TTN: variants seen among roughly 807,000 people sequenced by gnomAD.
The protein encoded by TTN is titin.
TTN carries 1,525 observed loss-of-function variants against 3,223.0 expected under a neutral mutation model. The observed-to-expected ratio is 0.47, with a 90% confidence interval of 0.45 to 0.49. The LOEUF is 0.49. Among genes scored for constraint, TTN ranks in the 20% least tolerant of loss-of-function variants. The pLI, the probability that TTN is intolerant of heterozygous loss-of-function variation, is 0.00. For synonymous variants in TTN, 14,094 were observed against 15,161.0 expected, an observed-to-expected ratio of 0.93 and a Z score of 5.17; for missense variants, 40,786 against 43,424.0, an observed-to-expected ratio of 0.94 and a Z score of 5.40.
rs200973013 is a variant in TTN at position 178,773,508 on chromosome 2, C to G, written c.7548G>C (p.Lys2516Asn). 4 of 1,614,066 alleles carry G rather than the reference C, an allele frequency of 2.5e-6. No individual in the cohort carries two copies. The highest frequency in any genetic ancestry group is 3.4e-6 in the Non-Finnish European group (4 of 1,179,974). ...TGGTTTCAACTCTGCCAACTATCAG[C>G]TTGTAAGGTCCTTCGTCTGAAGCAT... The part of the protein sequence containing the change: ...RTHASDEGPY[K>N]LIVGRVETNC... Residue 2516 changes from lysine (K) to asparagine (N), a missense_variant, in exon 32 of 363, where the codon AAG becomes AAC. Transcript: ENST00000589042.
Position 178,554,157 on chromosome 2 carries a change from C to T in TTN, c.88954G>A (p.Val29652Ile), listed in dbSNP as rs756561910. The change falls in exon 333 of 363, where the codon GTT (valine) becomes ATT (isoleucine). Residue 29652 changes from valine (V) to isoleucine (I), a missense_variant. Transcript: ENST00000589042. ...TCTGCAATTGGCCTGCTCCATACAACAGTCATCGAATTCTTGGTAATCTTT... is the reference window on the plus strand; with the variant it reads ...TCTGCAATTGGCCTGCTCCATACAATAGTCATCGAATTCTTGGTAATCTTT... Reference protein sequence around the residue: ...VTKITKNSMTVVWSRPIADGG... With the variant: ...VTKITKNSMTIVWSRPIADGG... The T allele has an allele frequency of 9.3e-6, 15 of 1,611,526 alleles. No individual in the cohort carries two copies. The African/African-American group carries it at 1.1e-4, about 12-fold the overall frequency.
At position 178,586,743 on chromosome 2, in the gene TTN, G is replaced by C. The variant is rs1060503926; in HGVS notation, c.64158C>G (p.Ala21386=). ...TEMTKNSATL[A]WLPPLRDGGA... The stretch of plus-strand genomic sequence containing the variant: ...CTCCATCACGTAGGGGAGGTAACCA[G>C]GCTAAGGTGGCACTGTTCTTGGTCA... The change falls in exon 308 of 363, where the codon GCC becomes GCG. Residue 21386 remains alanine, a synonymous_variant. Coordinates refer to ENST00000589042, the MANE Select transcript of TTN (RefSeq NM_001267550.2). The C allele has an allele frequency of 1.2e-6, 2 of 1,613,134 alleles. No individual in the cohort carries two copies. The highest frequency in any genetic ancestry group is 1.3e-5 in the African/African-American group (1 of 74,968).
chr2:178,578,023 A>G lies in TTN; in HGVS notation c.68492T>C (p.Leu22831Pro). 2.5e-6 allele frequency: 4 copies of G among 1,613,256 alleles called. No individual in the cohort carries two copies. Among genetic ancestry groups the G allele is most frequent in the Non-Finnish European group, 3.4e-6 (4 of 1,179,482 alleles). Residue 22831 changes from leucine to proline, a missense_variant, in exon 322 of 363, where the codon CTA becomes CCA. Physicochemically the swap from Leu to Pro is moderately conservative, Grantham distance 98. Coordinates refer to ENST00000589042, the MANE Select transcript of TTN (RefSeq NM_001267550.2). Reference sequence around the variant, plus strand: ...CAGTGCCACAACAGGCTCTGATGGTAGGCTTGGCTTGCCCACACCTGCTAA... The same window carrying G: ...CAGTGCCACAACAGGCTCTGATGGTGGGCTTGGCTTGCCCACACCTGCTAA... ...INLAGVGKPSLPSEPVVALDP... is the reference protein window; with the variant it reads ...INLAGVGKPSPPSEPVVALDP...
At chr2:178,717,446 C>T (rs2077657593) in intron 87 of TTN, 64 bp from the exon 88 acceptor site, 4 of 1,562,538 alleles carry the variant, frequency 2.6e-6, no homozygotes, top group Non-Finnish European at 3.5e-6. Flanking sequence ...AGAGCAGAAA[C>T]TAAATGGCAC....
chr2:178,733,812 C>T lies in TTN; in HGVS notation c.15577G>A (p.Gly5193Arg). The change falls in exon 53 of 363, where the codon GGG becomes AGG. Residue 5193 changes from glycine to arginine, a missense_variant. Physicochemically the swap from Gly to Arg is moderately radical, Grantham distance 125 (BLOSUM62 -2). Coordinates refer to ENST00000589042, the MANE Select transcript of TTN (RefSeq NM_001267550.2). ...QTVTLQAAVR[G>R]SEPISVTWMK... Reference sequence around the variant, plus strand: ...CATGTGACAGAAATGGGCTCTGACCCTCTCACAGCAGCTTGCAGGGTAACG... The same window carrying T: ...CATGTGACAGAAATGGGCTCTGACCTTCTCACAGCAGCTTGCAGGGTAACG... 2 of 1,613,790 alleles carry T rather than the reference C, an allele frequency of 1.2e-6. No homozygotes were observed. The highest frequency in any genetic ancestry group is 2.2e-5 in the East Asian group (1 of 44,866).
At position 178,688,122 on chromosome 2, in the gene TTN, G is replaced by A; in HGVS notation, c.32300C>T (p.Thr10767Ile). 1 of 1,612,182 alleles carries A rather than the reference G, an allele frequency of 6.2e-7. No individual in the cohort carries two copies. The highest frequency in any genetic ancestry group is 8.5e-7 in the Non-Finnish European group (1 of 1,179,396). ...TTTGCATTGTTTACCTTCATATTCT[G>A]TAACCTCTGCTTCTTCCTCCTCCTC... ...EREEEEEAEV[T>I]EYEVMEEPEE... Residue 10767 changes from threonine (T) to isoleucine (I), a missense_variant, in exon 127 of 363, where the codon ACA becomes ATA. Physicochemically the swap from Thr to Ile is moderately conservative, Grantham distance 89. Coordinates refer to ENST00000589042, the MANE Select transcript of TTN (RefSeq NM_001267550.2).
rs1349501051 is a variant in TTN, at chr2:178,741,082, C to A, written c.12151G>T (p.Asp4051Tyr). 1.9e-6 allele frequency: 3 copies of A among 1,613,890 alleles called. No homozygotes were observed. Among genetic ancestry groups the A allele is most frequent in the South Asian group, 1.1e-5 (1 of 91,078 alleles). The change falls in exon 48 of 363, where the codon GAT becomes TAT. Residue 4051 changes from aspartate (D) to tyrosine (Y), a missense_variant. Transcript: ENST00000589042. The part of the protein sequence containing the change: ...KAKSTPEAPE[D>Y]FPQTPLKGPA... ...CCCTTTAAGGGTGTCTGTGGAAAAT[C>A]CTCAGGAGCCTCTGGTGTGGACTTT...
intron 350 of TTN, 199 bp downstream of exon 350, chr2:178,541,083 T>G (rs1283276118): frequency 2.4e-6 from 1 of 423,120 alleles, no homozygotes; most frequent in East Asian, 3.6e-5. Context: ...CGCTAGCAGC[T>G]GGGGTGGGGA....
intron 330 of TTN, 96 bp downstream of exon 330, chr2:178,556,752 G>T: frequency 7.0e-7 from 1 of 1,421,508 alleles, no homozygotes; most frequent in Non-Finnish European, 9.6e-7. Flanking sequence ...TTAAGGCACA[G>T]AGTAAAAGTT....
At chr2:178,559,236 A>G in intron 326 of TTN, 75 bp downstream of exon 326, 4 of 1,343,240 alleles carry the variant, frequency 3.0e-6, no homozygotes, top group Non-Finnish European at 4.1e-6. Flanking sequence ...TGAAATAACG[A>G]CTAATTAGAA....
chr2:178,558,459 G>A lies in TTN; in HGVS notation c.87000C>T (p.His29000=), dbSNP rs758683372. 10 of 1,613,786 alleles carry A rather than the reference G, an allele frequency of 6.2e-6. No individual in the cohort carries two copies. Among genetic ancestry groups the A allele is most frequent in the East Asian group, 2.2e-5 (1 of 44,810 alleles). ...VKCAVAKSTH[H]VVSGLRENSE... ...AATTCTCTCTCAGACCGGAAACAAC[G>A]TGATGGGTTGACTTTGCCACTGCAC... The change falls in exon 327 of 363, where the codon CAC becomes CAT. Residue 29000 remains histidine, a synonymous_variant. Coordinates refer to ENST00000589042, the MANE Select transcript of TTN (RefSeq NM_001267550.2).
At position 178,634,047 on chromosome 2, in the gene TTN, T is replaced by TA; in HGVS notation, c.42451_42452insT (p.Gln14151LeufsTer7). ...TGCTGTTTCACCTTCTTTTACTGTT[T>TA]GATCTTCAAGAGGTGACATGAATTT... On this transcript the variant is annotated frameshift_variant, in exon 231 of 363. Transcript: ENST00000589042. LOFTEE classifies it high-confidence loss of function. This position sits in a 1 kb window ranked among gnomAD's most constrained non-coding sequence, Gnocchi z 4.6. 6.2e-7 allele frequency: 1 copy of TA among 1,613,166 alleles called. No individual in the cohort carries two copies. Among genetic ancestry groups the TA allele is most frequent in the Non-Finnish European group, 8.5e-7 (1 of 1,179,436 alleles).
At chr2:178,622,040 CTTG>C (rs757265697) in intron 243 of TTN, 32 bp from the exon 244 acceptor site, 16 of 1,558,836 alleles carry the variant, frequency 1.0e-5, no homozygotes, top group East Asian at 2.3e-5. Context: ...TATCAGTTTT[CTTG>C]TTGTTCCTTC....
Position 178,541,310 on chromosome 2 carries a change from G to T in TTN, c.97767C>A (p.Ser32589=). 6.5e-7 allele frequency: 1 copy of T among 1,541,034 alleles called. No individual in the cohort carries two copies. Among genetic ancestry groups the T allele is most frequent in the East Asian group, 2.4e-5 (1 of 41,458 alleles). Residue 32589 remains serine, a synonymous_variant, in exon 350 of 363, where the codon TCC becomes TCA. Coordinates refer to ENST00000589042, the MANE Select transcript of TTN (RefSeq NM_001267550.2). The part of the protein sequence containing the change: ...ARGSGKPSRP[S]KPIVAMDPIA... ...TTGGATCCATGGCAACGATGGGTTT[G>T]GAAGGACGACTTGGTTTCCCAGACC...
At position 178,564,640 on chromosome 2, in the gene TTN, G is replaced by A; in HGVS notation, c.81492C>T (p.Cys27164=). The A allele has an allele frequency of 5.0e-6, 8 of 1,613,536 alleles. No homozygotes were observed. The highest frequency in any genetic ancestry group is 6.8e-6 in the Non-Finnish European group (8 of 1,179,708). The change falls in exon 326 of 363, where the codon TGC becomes TGT. Residue 27164 remains cysteine, a synonymous_variant. Coordinates refer to ENST00000589042, the MANE Select transcript of TTN (RefSeq NM_001267550.2). ...GIGKPSKVSE[C]FVARDPCDPP... ...GGTCACATGGATCACGAGCAACAAAGCATTCTGACACTTTGCTAGGCTTGC... is the reference window on the plus strand; with the variant it reads ...GGTCACATGGATCACGAGCAACAAAACATTCTGACACTTTGCTAGGCTTGC...
At chr2:178,750,328 T>C (rs752566719) in intron 47 of TTN, 1 of 1,613,296 alleles carries the variant, frequency 6.2e-7, no homozygotes, top group South Asian at 1.1e-5. Flanking sequence ...TTGTTTTTAC[T>C]GTTCCATATT....
In TTN at chr2:178,578,683, C is replaced by A; in HGVS notation, c.68257G>T (p.Val22753Leu). The A allele has an allele frequency of 6.2e-7, 1 of 1,611,632 alleles. No homozygotes were observed. The highest frequency in any genetic ancestry group is 8.5e-7 in the Non-Finnish European group (1 of 1,179,002). Residue 22753 changes from valine to leucine, a missense_variant, in exon 321 of 363, where the codon GTG becomes TTG. Val to Leu is a conservative substitution (Grantham distance 32). Transcript: ENST00000589042. ...GATACTGAATCGTGTCTGACATCCA[C>A]AATATTGGGAGGTGGGGGAGCATCA... ...VPDAPPPPNI[V>L]DVRHDSVSLT...
rs201684070 is a variant in TTN at position 178,657,540 on chromosome 2, G to T, written c.37996C>A (p.Pro12666Thr). The T allele has an allele frequency of 1.2e-5, 19 of 1,580,410 alleles. 2 individuals are homozygous for T. The highest frequency in any genetic ancestry group is 8.6e-6 in the Non-Finnish European group (10 of 1,167,472). ...TCAGGCTTTTTAGGAGGAGTCGAGG[G>T]CACTTTCTTTTCAAGGACAACTTCT... ...PKEVVLEKKVPSTPPKKPEVP... is the reference protein window; with the variant it reads ...PKEVVLEKKVTSTPPKKPEVP... The change falls in exon 189 of 363, where the codon CCC (proline) becomes ACC (threonine). Residue 12666 changes from proline (P) to threonine (T), a missense_variant. Physicochemically the swap from Pro to Thr is conservative, Grantham distance 38 (BLOSUM62 -1). Transcript: ENST00000589042.
rs754072702 is a variant in TTN at position 178,651,280 on chromosome 2, T to G, written c.39588A>C (p.Val13196=). 4 of 1,613,220 alleles carry G rather than the reference T, an allele frequency of 2.5e-6. No individual in the cohort carries two copies. The highest frequency in any genetic ancestry group is 1.7e-5 in the Admixed American group (1 of 59,944). ...GGACTTCTGGCTTTTTGGGAACAGCTACTTTCTTTTCTGGAACAACTTCTT... is the reference window on the plus strand; with the variant it reads ...GGACTTCTGGCTTTTTGGGAACAGCGACTTTCTTTTCTGGAACAACTTCTT... ...VPKEVVPEKK[V]AVPKKPEVPP... is the part of the protein sequence containing the mutation. The change falls in exon 208 of 363, where the codon GTA becomes GTC. Residue 13196 remains valine, a synonymous_variant. Transcript: ENST00000589042.
Sources: gnomAD v4.1 joint callset for allele counts on GRCh38, gnomAD v4.1.1 for gene constraint, Gnocchi (gnomAD v3.1) non-coding constraint, MANE v1.5 for transcripts, NCBI Gene and HGNC (gene_info 2026-07-23, HGNC 2026-07-21) for gene names.